FAM83B: variants seen among roughly 807,000 people sequenced by gnomAD.
FAM83B encodes scaffolding CK1 anchoring protein B.
In FAM83B, 26 loss-of-function variants were observed where a neutral mutation model predicts 38.8. The observed-to-expected ratio is 0.67, with a 90% CI of 0.49 to 0.93. The LOEUF is 0.93. Among genes scored for constraint, FAM83B ranks in the 40% least tolerant of loss-of-function variants. FAM83B has a pLI of 0.00. For synonymous variants in FAM83B, 419 were observed against 423.1 expected, an observed-to-expected ratio of 0.99 and a Z score of 0.12; for missense variants, 1,237 against 1,197.3, an observed-to-expected ratio of 1.03 and a Z score of -0.49.
chr6:54,926,340 T>C (rs957024666), intron 2 of FAM83B, 31 bp from the exon 3 acceptor site: 14 of 1,434,588 alleles, frequency 9.8e-6, no homozygotes, highest in Non-Finnish European at 1.3e-5. Flanking sequence ...ATCAAGGATC[T>C]AAAATTGTTT....
intron 2 of FAM83B, among the ~76,000 whole-genome samples, chr6:54,909,508 A>G (rs1772857789): frequency 6.6e-6 from 1 of 152,238 alleles, no homozygotes; most frequent in African/African-American, 2.4e-5. Context: ...CAGGAATTCA[A>G]AAGAAAAAAG....
chr6:54,858,577 C>A (rs185701725), intron 1 of FAM83B, among the ~76,000 whole-genome samples: 1 of 152,116 alleles, frequency 6.6e-6, no homozygotes, highest in African/African-American at 2.4e-5. Flanking sequence ...TTAATCTTTT[C>A]TTGCTATTGA....
intron 1 of FAM83B, among the ~76,000 whole-genome samples, chr6:54,869,489 T>C (rs1365895032): frequency 6.6e-6 from 1 of 152,128 alleles, no homozygotes; most frequent in Admixed American, 6.6e-5. Flanking sequence ...TTTTCTTTAA[T>C]TTTTTTCTTC....
At chr6:54,888,750 G>A (rs1025805833) in intron 2 of FAM83B, among the ~76,000 whole-genome samples, 2 of 151,070 alleles carry the variant, frequency 1.3e-5, no homozygotes, top group East Asian at 3.9e-4. Flanking sequence ...TTTTCTCCTT[G>A]ACATAATAGA....
In FAM83B at chr6:54,901,702, G is replaced by T. The variant is rs189519828; in HGVS notation, c.445-24669G>T. On this transcript the variant is annotated intron_variant, in intron 2 of 4. Coordinates refer to ENST00000306858, the MANE Select transcript of FAM83B (RefSeq NM_001010872.3). The stretch of plus-strand genomic sequence containing the variant: ...CGGTCAAGGTACTAAGCTCTTTCTT[G>T]CAATGACCTGGAGGAAAATTTAGTA... Among the ~76,000 whole-genome samples the T allele has an allele frequency of 2.0e-5, 3 of 152,216 alleles. No homozygotes were observed. In the East Asian group the frequency reaches 5.8e-4, roughly 29 times the overall value.
chr6:54,846,842 G>T lies in FAM83B; in HGVS notation c.-61+16G>T, dbSNP rs1771146288. The stretch of plus-strand genomic sequence containing the variant: ...CTTGGGGCAAGTAAGTGGGGTTTGG[G>T]CTCCCTTGCCCCGGACCTCGGCGGA... On this transcript the variant is annotated intron_variant, in intron 1 of 4. Coordinates refer to ENST00000306858, the MANE Select transcript of FAM83B (RefSeq NM_001010872.3). 1 of 151,788 alleles carries T rather than the reference G, an allele frequency of 6.6e-6. No homozygotes were observed. The highest frequency in any genetic ancestry group is 1.5e-5 in the Non-Finnish European group (1 of 68,134). The allele number at this position is 151,788 out of a possible 1,614,324, so 9.4% of individuals were successfully genotyped here.
chr6:54,943,870 C>T lies in FAM83B; in HGVS notation c.*1863C>T, dbSNP rs55954156. Reference sequence around the variant, plus strand: ...AATCATGTTTAATTACAACCAAAAGCCTGTTGCCTTTTTGTACAGAAATCT... The same window carrying T: ...AATCATGTTTAATTACAACCAAAAGTCTGTTGCCTTTTTGTACAGAAATCT... On this transcript the variant is annotated 3_prime_UTR_variant, in exon 5 of 5. Coordinates refer to ENST00000306858, the MANE Select transcript of FAM83B (RefSeq NM_001010872.3). 1 of 152,082 alleles carries T rather than the reference C, an allele frequency of 6.6e-6. No homozygotes were observed. The highest frequency in any genetic ancestry group is 2.1e-4 in the South Asian group (1 of 4,826). The allele number at this position is 152,082 out of a possible 1,614,324, so 9.4% of individuals were successfully genotyped here.
intron 1 of FAM83B, among the ~76,000 whole-genome samples, chr6:54,849,687 G>A (rs891812566): frequency 6.6e-6 from 1 of 151,104 alleles, no homozygotes; most frequent in Non-Finnish European, 1.5e-5. Flanking sequence ...TTTCCTCTGG[G>A]GACATCTAAT....
intron 4 of FAM83B, among the ~76,000 whole-genome samples, chr6:54,929,305 T>C (rs1445590406): frequency 1.3e-5 from 2 of 152,166 alleles, no homozygotes; most frequent in Non-Finnish European, 2.9e-5. Flanking sequence ...GGTATTGCTA[T>C]TGTTTTCCTC....
chr6:54,856,260 C>A (rs1771443972), intron 1 of FAM83B, among the ~76,000 whole-genome samples: 1 of 152,172 alleles, frequency 6.6e-6, no homozygotes, highest in African/African-American at 2.4e-5. Context: ...GTGATAGCTG[C>A]AATACCATGT....
At chr6:54,905,135 A>C (rs887137701) in intron 2 of FAM83B, among the ~76,000 whole-genome samples, 1 of 152,056 alleles carries the variant, frequency 6.6e-6, no homozygotes, top group Admixed American at 6.6e-5. Context: ...GGAGAAAAGA[A>C]CCTGGGGTCA....
rs1561934810 is a variant in FAM83B, at chr6:54,942,730, T to TTTTTTTTTTTTTTTGAGACGG, written c.*723_*724insTTTTTTTTTTTTTTGAGACGG. Among the ~76,000 whole-genome samples the TTTTTTTTTTTTTTTGAGACGG allele has an allele frequency of 6.6e-6, 1 of 151,864 alleles. No homozygotes were observed. The highest frequency in any genetic ancestry group is 2.4e-5 in the African/African-American group (1 of 41,190). ...TCTTACCCATAGGCTGCTGATTTTT[T>TTTTTTTTTTTTTTTGAGACGG]ATAGTCATTCCTTACTTCACATTTA... On this transcript the variant is annotated 3_prime_UTR_variant, in exon 5 of 5. Transcript: ENST00000306858.
chr6:54,940,853 A>G lies in FAM83B; in HGVS notation c.1882A>G (p.Thr628Ala). 1 of 1,614,032 alleles carries G rather than the reference A, an allele frequency of 6.2e-7. No individual in the cohort carries two copies. Among genetic ancestry groups the G allele is most frequent in the East Asian group, 2.2e-5 (1 of 44,874 alleles). ...ENHSVALNQT[T>A]NGHTESNNYI... The stretch of plus-strand genomic sequence containing the variant: ...CCACTCAGTAGCCTTAAACCAAACT[A>G]CAAATGGCCATACTGAATCAAATAA... The change falls in exon 5 of 5, where the codon ACA (threonine) becomes GCA (alanine). Residue 628 changes from threonine (T) to alanine (A), a missense_variant. Transcript: ENST00000306858.
intron 2 of FAM83B, among the ~76,000 whole-genome samples, chr6:54,896,615 A>G (rs1772543103): frequency 6.6e-6 from 1 of 152,230 alleles, no homozygotes; most frequent in South Asian, 2.1e-4. Flanking sequence ...AAAGAATACC[A>G]TAAACACAGC....
intron 2 of FAM83B, among the ~76,000 whole-genome samples, chr6:54,878,928 T>C (rs1270083889): frequency 6.6e-6 from 1 of 152,126 alleles, no homozygotes; most frequent in South Asian, 2.1e-4. Flanking sequence ...TGGCTAGTTT[T>C]TAGGTATATT....
intron 1 of FAM83B, among the ~76,000 whole-genome samples, chr6:54,859,869 A>G (rs1771535053): frequency 6.6e-6 from 1 of 152,250 alleles, no homozygotes; most frequent in African/African-American, 2.4e-5. Context: ...GTGAATGAGA[A>G]AAGAAGTGGT....
intron 2 of FAM83B, among the ~76,000 whole-genome samples, chr6:54,905,877 C>T (rs2127583153): frequency 6.6e-6 from 1 of 151,620 alleles, no homozygotes. Flanking sequence ...CCCCATTTGC[C>T]CCCTATAAAC....
In FAM83B at chr6:54,940,697, A is replaced by G; in HGVS notation, c.1726A>G (p.Thr576Ala). The change falls in exon 5 of 5, where the codon ACA becomes GCA. Residue 576 changes from threonine to alanine, a missense_variant. Physicochemically the swap from Thr to Ala is moderately conservative, Grantham distance 58. Transcript: ENST00000306858. ...TATCATTGGTTCTCAGGGAAGTGAG[A>G]CACCTAAAGAGGTCCCAGACACCCC... Reference protein sequence around the residue: ...STIIGSQGSETPKEVPDTPTN... With the variant: ...STIIGSQGSEAPKEVPDTPTN... 1 of 1,614,034 alleles carries G rather than the reference A, an allele frequency of 6.2e-7. No individual in the cohort carries two copies. The highest frequency in any genetic ancestry group is 1.1e-5 in the South Asian group (1 of 91,078).
At position 54,869,969 on chromosome 6, in the gene FAM83B, A is replaced by T. The variant is rs1486287596; in HGVS notation, c.-60-218A>T. Reference sequence around the variant, plus strand: ...AAATTGAGATACCTTGGAAAAGGAAAATCCAACAGCAATCTGTAAGGGAAA... The same window carrying T: ...AAATTGAGATACCTTGGAAAAGGAATATCCAACAGCAATCTGTAAGGGAAA... On this transcript the variant is annotated intron_variant, in intron 1 of 4. Coordinates refer to ENST00000306858, the MANE Select transcript of FAM83B (RefSeq NM_001010872.3). 2.0e-5 allele frequency among the ~76,000 whole-genome samples: 3 copies of T among 152,272 alleles called. No homozygotes were observed. In the East Asian group the frequency reaches 5.8e-4, roughly 29 times the overall value.
Sources: gnomAD v4.1 joint callset for allele counts (sites outside exome capture counted in the v4.1 genomes callset) on GRCh38, gnomAD v4.1.1 for gene constraint, MANE v1.5 for transcripts, NCBI Gene and HGNC (gene_info 2026-07-23, HGNC 2026-07-21) for gene names.